OPCML: variants seen among roughly 807,000 people sequenced by gnomAD.
OPCML encodes the protein opioid binding protein/cell adhesion molecule like, also known as opioid-binding protein/cell adhesion molecule.
Under a neutral mutation model 37.8 loss-of-function variants are expected in OPCML, and 13 were observed. The ratio of observed to expected loss-of-function variants is 0.34; its 90% CI spans 0.22 to 0.55. OPCML has a LOEUF of 0.55. OPCML is among the 20% of genes least tolerant of loss of function. The pLI is 0.91. For missense variants in OPCML, 341 were observed against 435.6 expected (o/e 0.78, Z 1.93); for synonymous variants, 176 against 168.8 (o/e 1.04, Z -0.33).
chr11:132,745,492 C>T (rs1945585031), intron 2 of OPCML, among the ~76,000 whole-genome samples: 1 of 149,394 alleles, frequency 6.7e-6, no homozygotes, highest in Non-Finnish European at 1.5e-5. Context: ...ATCCATGTAA[C>T]CTTTCTCCTC....
intron 2 of OPCML, among the ~76,000 whole-genome samples, chr11:132,921,538 C>T (rs1257797395): frequency 6.6e-6 from 1 of 152,216 alleles, no homozygotes. Flanking sequence ...GCTGACAGAT[C>T]CTTCATCCAA....
intron 3 of OPCML, among the ~76,000 whole-genome samples, chr11:132,597,651 A>G (rs1424592382): frequency 6.6e-6 from 1 of 152,204 alleles, no homozygotes; most frequent in African/African-American, 2.4e-5. Context: ...CACATGAGTG[A>G]CAATTGTGAT....
chr11:133,458,245 C>T (rs61912405), intron 1 of OPCML, among the ~76,000 whole-genome samples: 2,926 of 78,782 alleles, frequency 0.037, 242 homozygotes, highest in African/African-American at 0.22. Context: ...TGTATATATA[C>T]ACATATATAT....
In OPCML at chr11:132,921,047, G is replaced by A. The variant is rs959738574; in HGVS notation, c.146+21879C>T. Among the ~76,000 whole-genome samples the A allele has an allele frequency of 9.2e-5, 14 of 152,300 alleles. No homozygotes were observed. In the East Asian group the frequency reaches 2.7e-3, roughly 29 times the overall value. On this transcript the variant is annotated intron_variant, in intron 2 of 7. Coordinates refer to ENST00000524381, the MANE Select transcript of OPCML (RefSeq NM_001012393.5). ...AGTCTTCTACTCCCCGCCACATGCT[G>A]GCCTTGCTTCATCACTTTTTTCTTT...
chr11:132,520,554 T>A (rs1306163995), intron 4 of OPCML, among the ~76,000 whole-genome samples: 1 of 152,168 alleles, frequency 6.6e-6, no homozygotes, highest in Non-Finnish European at 1.5e-5. Flanking sequence ...TTTCTATTTT[T>A]TTAATTGTTT....
At chr11:133,018,333 A>G (rs1010565417) in intron 1 of OPCML, among the ~76,000 whole-genome samples, 1 of 152,180 alleles carries the variant, frequency 6.6e-6, no homozygotes. Context: ...ATGTATGTAG[A>G]TACGTGTGTG....
intron 2 of OPCML, among the ~76,000 whole-genome samples, chr11:132,820,754 T>C (rs1939931951): frequency 6.6e-6 from 1 of 152,168 alleles, no homozygotes; most frequent in African/African-American, 2.4e-5. Context: ...AGCAATAGAA[T>C]AATTAAAGCT....
chr11:132,429,939 C>A (rs1212155498), intron 7 of OPCML, among the ~76,000 whole-genome samples: 2 of 152,062 alleles, frequency 1.3e-5, no homozygotes, highest in African/African-American at 2.4e-5. Flanking sequence ...GAGCTAGAAG[C>A]AGACTGAGGA....
chr11:133,041,109 A>AT (rs1443841195), intron 1 of OPCML, among the ~76,000 whole-genome samples: 1 of 152,146 alleles, frequency 6.6e-6, no homozygotes, highest in Non-Finnish European at 1.5e-5. Context: ...ATCCCCAAGC[A>AT]TTTTTTAGCT....
At chr11:132,506,698 G>C (rs2096257616) in intron 4 of OPCML, among the ~76,000 whole-genome samples, 1 of 151,882 alleles carries the variant, frequency 6.6e-6, no homozygotes, top group African/African-American at 2.4e-5. Context: ...AATGCTCCTG[G>C]AAAATATAAA....
chr11:132,545,977 AG>A (rs2096367676), intron 3 of OPCML, among the ~76,000 whole-genome samples: 1 of 152,242 alleles, frequency 6.6e-6, no homozygotes, highest in South Asian at 2.1e-4. Flanking sequence ...GATTGCTGAT[AG>A]ATTTCCTTTC....
chr11:132,605,296 G>A (rs1039758155), intron 3 of OPCML, among the ~76,000 whole-genome samples: 28 of 151,970 alleles, frequency 1.8e-4, no homozygotes, highest in Non-Finnish European at 4.4e-5. Context: ...GGTGGCTCAC[G>A]CCTGTAATCC....
At chr11:133,024,694 G>T (rs921866004) in intron 1 of OPCML, 2 of 833,362 alleles carry the variant, frequency 2.4e-6, no homozygotes, top group African/African-American at 1.8e-5. Context: ...AGTGGTGGGG[G>T]ATGGGGAGGT....
At chr11:133,072,620 T>C (rs1022864653) in intron 1 of OPCML, among the ~76,000 whole-genome samples, 1 of 152,202 alleles carries the variant, frequency 6.6e-6, no homozygotes, top group African/African-American at 2.4e-5. Context: ...TTGGCACTTT[T>C]CCATAATCAC....
intron 4 of OPCML, among the ~76,000 whole-genome samples, chr11:132,470,766 A>G (rs2096135702): frequency 6.6e-6 from 1 of 152,206 alleles, no homozygotes; most frequent in Non-Finnish European, 1.5e-5. Context: ...CTAGGATTGA[A>G]ACCCAGATTG....
At chr11:132,661,876 T>C (rs1327804229) in intron 2 of OPCML, among the ~76,000 whole-genome samples, 1 of 152,208 alleles carries the variant, frequency 6.6e-6, no homozygotes, top group Non-Finnish European at 1.5e-5. Context: ...ATCCACATTT[T>C]ACAGATGAGG....
chr11:132,958,852 C>A (rs1490118801), intron 1 of OPCML, among the ~76,000 whole-genome samples: 1 of 152,162 alleles, frequency 6.6e-6, no homozygotes, highest in African/African-American at 2.4e-5. Context: ...TGCCCATTGA[C>A]AATTCACCTA....
intron 1 of OPCML, among the ~76,000 whole-genome samples, chr11:133,519,181 C>T (rs1441263916): frequency 6.6e-6 from 1 of 152,156 alleles, no homozygotes; most frequent in Non-Finnish European, 1.5e-5. Flanking sequence ...CTCTGGCTTC[C>T]AGATATTCCT....
chr11:132,944,480 C>T (rs962422048), intron 1 of OPCML, among the ~76,000 whole-genome samples: 5 of 152,148 alleles, frequency 3.3e-5, no homozygotes, highest in African/African-American at 9.7e-5. Flanking sequence ...CTCGGAAACG[C>T]CCGTGCCCCT....
Sources: gnomAD v4.1 joint callset for allele counts (sites outside exome capture counted in the v4.1 genomes callset) on GRCh38, gnomAD v4.1.1 for gene constraint, MANE v1.5 for transcripts, NCBI Gene and HGNC (gene_info 2026-07-23, HGNC 2026-07-21) for gene names.